MSH3: variants seen among roughly 807,000 people sequenced by gnomAD.
MSH3 encodes DNA mismatch repair protein Msh3.
A neutral mutation model predicts 123.3 loss-of-function variants in MSH3; 106 were observed. The ratio of observed to expected loss-of-function variants is 0.86; its 90% CI spans 0.73 to 1.01. The LOEUF (loss-of-function observed/expected upper bound fraction) is 1.01. Among genes scored for constraint, MSH3 ranks in the 50% least tolerant of loss-of-function variants. The pLI, the probability that MSH3 is intolerant of heterozygous loss-of-function variation, is 0.00. For missense variants in MSH3, 1,459 were observed against 1,347.6 expected, an observed-to-expected ratio of 1.08 and a Z score of -1.29; for synonymous variants, 515 against 481.4, an observed-to-expected ratio of 1.07 and a Z score of -0.91.
intron 6 of MSH3, among the ~76,000 whole-genome samples, chr5:80,674,647 A>G (rs1749796352): frequency 1.3e-5 from 2 of 152,232 alleles, no homozygotes; most frequent in Non-Finnish European, 2.9e-5. Context: ...CTATGATCCA[A>G]ATAAATCAGA....
intron 13 of MSH3, among the ~76,000 whole-genome samples, chr5:80,765,806 T>C (rs1434347380): frequency 1.3e-5 from 2 of 152,198 alleles, no homozygotes; most frequent in African/African-American, 4.8e-5. Flanking sequence ...TTCATTTTGG[T>C]GGAGTATATA....
chr5:80,847,003 C>G (rs1021696517), intron 20 of MSH3, among the ~76,000 whole-genome samples: 1 of 152,046 alleles, frequency 6.6e-6, no homozygotes, highest in Non-Finnish European at 1.5e-5. Context: ...GCATCCATCT[C>G]GGTGGGAGCT....
chr5:80,847,568 G>C (rs1424573639), intron 20 of MSH3, among the ~76,000 whole-genome samples: 2 of 152,030 alleles, frequency 1.3e-5, no homozygotes. Flanking sequence ...GTCAGTAAGA[G>C]TCTGATTCTC....
At position 80,768,988 on chromosome 5, in the gene MSH3, A is replaced by G. The variant is rs767626500; in HGVS notation, c.2238A>G (p.Thr746=). ...ILKNPSAQYV[T]VSGQEFMIEI... ...AAAATCCTTCTGCACAATATGTGAC[A>G]GTATCAGGACAGGAGGTAATGTCAA... Residue 746 remains threonine (T), a synonymous_variant, in exon 15 of 24, where the codon ACA becomes ACG. Coordinates refer to ENST00000265081, the MANE Select transcript of MSH3 (RefSeq NM_002439.5). 1.2e-6 allele frequency: 2 copies of G among 1,612,896 alleles called. No individual in the cohort carries two copies. The highest frequency in any genetic ancestry group is 1.3e-5 in the African/African-American group (1 of 75,038).
intron 8 of MSH3, among the ~76,000 whole-genome samples, chr5:80,705,269 G>GCT (rs1359452819): frequency 2.0e-5 from 3 of 152,140 alleles, no homozygotes; most frequent in Non-Finnish European, 2.9e-5. Flanking sequence ...TTCCAGTTGA[G>GCT]GTTCTAATCT....
At chr5:80,792,909 C>T in intron 19 of MSH3, 65 bp downstream of exon 19, 1 of 1,042,548 alleles carries the variant, frequency 9.6e-7, no homozygotes, top group Non-Finnish European at 1.5e-6. Context: ...ACCAAAGAAA[C>T]ATTTTTATAA....
chr5:80,722,150 G>A (rs1056855777), intron 8 of MSH3, among the ~76,000 whole-genome samples: 2 of 152,094 alleles, frequency 1.3e-5, no homozygotes, highest in African/African-American at 4.8e-5. Context: ...TTATTACAAG[G>A]CATTGTAATT....
chr5:80,744,386 C>T (rs1743675726), intron 11 of MSH3, 120 bp from the exon 12 acceptor site: 1 of 699,748 alleles, frequency 1.4e-6, no homozygotes, highest in East Asian at 2.7e-5. Flanking sequence ...ATTAAATGAA[C>T]ACCTGTTATG....
In MSH3 at chr5:80,679,456, A is replaced by G. The variant is rs557548568; in HGVS notation, c.1340+363A>G. Among the ~76,000 whole-genome samples the G allele has an allele frequency of 3.9e-5, 6 of 152,324 alleles. No individual in the cohort carries two copies. The South Asian group carries it at 1.0e-3, about 26-fold the overall frequency. ...CAGTCTTTTTGAAGAGGTTTCTGAT[A>G]TTTAATGATATTATTTGATAATTAT... On this transcript the variant is annotated intron_variant, in intron 8 of 23. Coordinates refer to ENST00000265081, the MANE Select transcript of MSH3 (RefSeq NM_002439.5).
intron 8 of MSH3, among the ~76,000 whole-genome samples, chr5:80,697,996 C>G (rs977079427): frequency 2.0e-5 from 3 of 151,978 alleles, no homozygotes; most frequent in Non-Finnish European, 4.4e-5. Flanking sequence ...TAGCCTTGAC[C>G]CCCCAGGCTC....
At position 80,767,913 on chromosome 5, in the gene MSH3, A is replaced by G; in HGVS notation, c.1897-20A>G. 6.4e-7 allele frequency: 1 copy of G among 1,555,092 alleles called. No homozygotes were observed. Among genetic ancestry groups the G allele is most frequent in the Non-Finnish European group, 8.9e-7 (1 of 1,126,792 alleles). On this transcript the variant is annotated intron_variant, in intron 13 of 23. Coordinates refer to ENST00000265081, the MANE Select transcript of MSH3 (RefSeq NM_002439.5). Reference sequence around the variant, plus strand: ...TTCATGTATCTTATGCTATTTCATAAAAAATATTTCTATTTTCAGTGTTCT... The same window carrying G: ...TTCATGTATCTTATGCTATTTCATAGAAAATATTTCTATTTTCAGTGTTCT...
intron 5 of MSH3, 102 bp from the exon 6 acceptor site, chr5:80,672,639 A>G: frequency 1.0e-6 from 1 of 989,062 alleles, no homozygotes; most frequent in South Asian, 1.3e-5. Flanking sequence ...TTGTGGACTG[A>G]TTATTTTAAC....
At chr5:80,688,126 C>T (rs1198665250) in intron 8 of MSH3, among the ~76,000 whole-genome samples, 1 of 152,114 alleles carries the variant, frequency 6.6e-6, no homozygotes, top group Non-Finnish European at 1.5e-5. Context: ...AAAAACTAGC[C>T]TTAGCTCATT....
chr5:80,700,542 T>A (rs1750583622), intron 8 of MSH3, among the ~76,000 whole-genome samples: 1 of 152,196 alleles, frequency 6.6e-6, no homozygotes, highest in Non-Finnish European at 1.5e-5. Flanking sequence ...TCCCTGGTGG[T>A]AATGCCATTG....
At chr5:80,668,620 G>T (rs1386899804) in intron 3 of MSH3, among the ~76,000 whole-genome samples, 1 of 152,234 alleles carries the variant, frequency 6.6e-6, no homozygotes, top group Non-Finnish European at 1.5e-5. Flanking sequence ...ATCAGAGTGG[G>T]TGCTGGGAGC....
intron 22 of MSH3, among the ~76,000 whole-genome samples, chr5:80,867,711 G>T (rs1746130137): frequency 6.6e-6 from 1 of 152,120 alleles, no homozygotes; most frequent in Non-Finnish European, 1.5e-5. Flanking sequence ...ATGCTTGTTG[G>T]CCATGTATAT....
chr5:80,784,561 C>T (rs1744470576), intron 17 of MSH3, among the ~76,000 whole-genome samples: 1 of 152,106 alleles, frequency 6.6e-6, no homozygotes, highest in Admixed American at 6.5e-5. Flanking sequence ...TACAAACAAT[C>T]CAATTACACT....
At chr5:80,875,292 T>C (rs983792673) in intron 23 of MSH3, among the ~76,000 whole-genome samples, 4 of 151,978 alleles carry the variant, frequency 2.6e-5, no homozygotes, top group Admixed American at 2.6e-4. Context: ...CCCTAAATAG[T>C]CAATTGGGTT....
At chr5:80,766,005 A>C (rs1471729559) in intron 13 of MSH3, among the ~76,000 whole-genome samples, 1 of 151,954 alleles carries the variant, frequency 6.6e-6, no homozygotes, top group Admixed American at 6.6e-5. Flanking sequence ...TGAATTTTTC[A>C]TTTCTACTAT....
Sources: gnomAD v4.1 joint callset for allele counts (sites outside exome capture counted in the v4.1 genomes callset) on GRCh38, gnomAD v4.1.1 for gene constraint, MANE v1.5 for transcripts, NCBI Gene and HGNC (gene_info 2026-07-23, HGNC 2026-07-21) for gene names.